ELP4: variants seen among roughly 807,000 people sequenced by gnomAD.
ELP4 encodes the protein elongator complex protein 4.
In ELP4, 51 loss-of-function variants were observed where a neutral mutation model predicts 48.9. The observed-to-expected ratio is 1.04, with a 90% CI of 0.83 to 1.32. The LOEUF is 1.32. ELP4 is among the 40% of genes most tolerant of loss of function. The pLI is 0.00. For missense variants in ELP4, 519 were observed against 514.6 expected (o/e 1.01, Z -0.08); for synonymous variants, 210 against 189.2 (o/e 1.11, Z -0.90).
intron 9 of ELP4, among the ~76,000 whole-genome samples, chr11:31,721,733 T>C (rs533210832): frequency 1.3e-5 from 2 of 152,230 alleles, no homozygotes; most frequent in Non-Finnish European, 2.9e-5. Flanking sequence ...ATAAAATGGT[T>C]CAATTAAAAA....
At chr11:31,599,634 A>G (rs1957744037) in intron 4 of ELP4, 1 of 152,678 alleles carries the variant, frequency 6.5e-6, no homozygotes, top group African/African-American at 2.4e-5. Flanking sequence ...GCCTCGGGAA[A>G]CTTACAATCA....
At chr11:31,597,728 CG>C (rs1957697788) in intron 4 of ELP4, among the ~76,000 whole-genome samples, 1 of 151,718 alleles carries the variant, frequency 6.6e-6, no homozygotes, top group Admixed American at 6.6e-5. Context: ...CCCACCACCA[CG>C]CCAGGCTAGC....
chr11:31,685,038 GA>G (rs1946132318), intron 9 of ELP4, among the ~76,000 whole-genome samples: 1 of 152,136 alleles, frequency 6.6e-6, no homozygotes, highest in Non-Finnish European at 1.5e-5. Flanking sequence ...AAGTTTTGCA[GA>G]AAGAAAGGGT....
chr11:31,550,898 G>C (rs1015094430), intron 3 of ELP4, among the ~76,000 whole-genome samples: 1 of 152,136 alleles, frequency 6.6e-6, no homozygotes, highest in Admixed American at 6.5e-5. Flanking sequence ...CTTTGCTCTT[G>C]ACTTGACCCC....
chr11:31,534,967 G>T (rs1470434900), intron 2 of ELP4, among the ~76,000 whole-genome samples: 1 of 152,168 alleles, frequency 6.6e-6, no homozygotes, highest in Non-Finnish European at 1.5e-5. Context: ...TCAGTAGTCA[G>T]TGCTGATCAT....
intron 3 of ELP4, among the ~76,000 whole-genome samples, chr11:31,547,552 G>A (rs553922020): frequency 2.6e-4 from 40 of 152,218 alleles, no homozygotes; most frequent in Non-Finnish European, 5.1e-4. Context: ...AATTCTACCA[G>A]AGGTACAAGG....
At chr11:31,688,267 AT>A (rs1401138256) in intron 9 of ELP4, among the ~76,000 whole-genome samples, 1 of 152,112 alleles carries the variant, frequency 6.6e-6, no homozygotes, top group Non-Finnish European at 1.5e-5. Flanking sequence ...TTATTGTATC[AT>A]TTACTGTAAT....
chr11:31,632,841 C>G (rs1433599332), intron 7 of ELP4: 1 of 152,084 alleles, frequency 6.6e-6, no homozygotes, highest in African/African-American at 2.4e-5. Flanking sequence ...CAATGTATTT[C>G]CATTTGAATT....
At chr11:31,520,559 T>A (rs1056643925) in intron 2 of ELP4, among the ~76,000 whole-genome samples, 1 of 152,130 alleles carries the variant, frequency 6.6e-6, no homozygotes, top group African/African-American at 2.4e-5. Context: ...AATTTAAGTA[T>A]ATAACCATAA....
In ELP4 at chr11:31,550,239, TAA is replaced by T. The variant is rs1956821770; in HGVS notation, c.381+10459_381+10460del. Among the ~76,000 whole-genome samples the T allele has an allele frequency of 1.2e-4, 18 of 152,240 alleles. No individual in the cohort carries two copies. The South Asian group carries it at 3.7e-3, about 32-fold the overall frequency. ...TATAATACTTTTATTTAAGTGAGTA[TAA>T]AATACTTTTTTTCTCATTTTGTAAA... On this transcript the variant is annotated intron_variant, in intron 3 of 9. Transcript: ENST00000640961.
intron 3 of ELP4, among the ~76,000 whole-genome samples, chr11:31,575,388 T>G (rs562832041): frequency 6.6e-6 from 1 of 152,118 alleles, no homozygotes; most frequent in African/African-American, 2.4e-5. Flanking sequence ...CCAGGAGAAC[T>G]TCCCCAATCT....
chr11:31,671,660 GATAC>G (rs1945810208), intron 9 of ELP4, among the ~76,000 whole-genome samples: 1 of 152,078 alleles, frequency 6.6e-6, no homozygotes, highest in African/African-American at 2.4e-5. Context: ...AGCCCTCACA[GATAC>G]ATATGAGTAT....
At chr11:31,726,337 G>A (rs1236729485) in intron 9 of ELP4, among the ~76,000 whole-genome samples, 3 of 152,128 alleles carry the variant, frequency 2.0e-5, no homozygotes, top group Non-Finnish European at 4.4e-5. Context: ...ACAGAAGAGG[G>A]TGGAGGAAAG....
At chr11:31,564,730 A>C (rs1386615501) in intron 3 of ELP4, among the ~76,000 whole-genome samples, 5 of 152,202 alleles carry the variant, frequency 3.3e-5, no homozygotes, top group African/African-American at 4.8e-5. Flanking sequence ...ATGGCTGCAT[A>C]GTATTCCTTG....
At chr11:31,678,951 T>G (rs971903363) in intron 9 of ELP4, among the ~76,000 whole-genome samples, 1 of 152,230 alleles carries the variant, frequency 6.6e-6, no homozygotes, top group African/African-American at 2.4e-5. Context: ...TTTAGCCATT[T>G]TTCTAAAATG....
At chr11:31,604,661 T>A (rs1281774534) in intron 5 of ELP4, among the ~76,000 whole-genome samples, 1 of 151,962 alleles carries the variant, frequency 6.6e-6, no homozygotes, top group Non-Finnish European at 1.5e-5. Flanking sequence ...GATGAGCTAT[T>A]AAATGAAGAT....
At chr11:31,536,163 T>A (rs1303304067) in intron 2 of ELP4, among the ~76,000 whole-genome samples, 3 of 152,128 alleles carry the variant, frequency 2.0e-5, no homozygotes, top group Admixed American at 2.0e-4. Flanking sequence ...CAGCAAGTAG[T>A]TGATGGACAT....
chr11:31,596,334 G>T (rs1049608924), intron 4 of ELP4, among the ~76,000 whole-genome samples: 6 of 152,180 alleles, frequency 3.9e-5, no homozygotes, highest in Non-Finnish European at 7.3e-5. Flanking sequence ...AACCTGGGAG[G>T]TGGAGGTTGC....
intron 9 of ELP4, among the ~76,000 whole-genome samples, chr11:31,775,695 G>A (rs558496888): frequency 3.9e-5 from 6 of 152,186 alleles, no homozygotes; most frequent in Admixed American, 6.5e-5. Context: ...GGCCAGGTGC[G>A]ATGGTTCACA....
Sources: gnomAD v4.1 joint callset for allele counts (sites outside exome capture counted in the v4.1 genomes callset) on GRCh38, gnomAD v4.1.1 for gene constraint, MANE v1.5 for transcripts, NCBI Gene and HGNC (gene_info 2026-07-23, HGNC 2026-07-21) for gene names.